OTC: variants seen among roughly 807,000 people sequenced by gnomAD.
OTC encodes the protein ornithine transcarbamylase, mitochondrial.
Under a neutral mutation model 30.3 loss-of-function variants are expected in OTC, and 3 were observed. The observed-to-expected ratio is 0.10, with a 90% CI of 0.05 to 0.26. The LOEUF (loss-of-function observed/expected upper bound fraction) is 0.26, where lower values mean the gene tolerates loss of function less well. OTC is among the 10% of genes least tolerant of loss of function. The probability of loss-of-function intolerance (pLI) is 1.00; values close to 1 mark genes in which losing one functional copy is unlikely to be tolerated. For synonymous variants in OTC, 111 were observed against 99.7 expected, an observed-to-expected ratio of 1.11 and a Z score of -0.67; for missense variants, 194 against 260.3, an observed-to-expected ratio of 0.75 and a Z score of 1.75.
At chrX:38,418,111 A>C (rs749185881) in intron 9 of OTC, among the ~76,000 whole-genome samples, 40 of 111,549 alleles carry the variant, frequency 3.6e-4, no homozygotes, top group African/African-American at 1.2e-3. Flanking sequence ...CCAACAATGC[A>C]CAGGAGATCC....
chrX:38,339,062 G>A, the OTC span, among the ~76,000 whole-genome samples: 13 of 111,871 alleles, frequency 1.2e-4, no homozygotes, highest in East Asian at 5.6e-4. Flanking sequence ...GGGTGGGTTC[G>A]GATGCCAGGC....
chrX:38,350,830 A>G (rs2068210762), upstream of OTC, among the ~76,000 whole-genome samples: 1 of 111,142 alleles, frequency 9.0e-6, no homozygotes, highest in African/African-American at 3.3e-5. Flanking sequence ...AGCATTACCA[A>G]TATGAGTTGT....
intron 2 of OTC, 121 bp from the exon 3 acceptor site, chrX:38,369,675 A>G: frequency 2.8e-6 from 1 of 359,975 alleles, no homozygotes; most frequent in South Asian, 6.2e-5. Context: ...TCACTTTTTA[A>G]ACAATATTTT....
the OTC span, among the ~76,000 whole-genome samples, chrX:38,332,735 A>T: frequency 9.2e-6 from 1 of 108,501 alleles, no homozygotes; most frequent in African/African-American, 3.4e-5. Context: ...CAGTGGCTTA[A>T]CACAAAGAAG....
At chrX:38,417,618 A>G (rs2068576233) in intron 9 of OTC, among the ~76,000 whole-genome samples, 1 of 111,923 alleles carries the variant, frequency 8.9e-6, no homozygotes, top group Non-Finnish European at 1.9e-5. Context: ...TACAGCACTC[A>G]GCACCGGGCC....
intron 9 of OTC, among the ~76,000 whole-genome samples, chrX:38,419,831 GTAGAATGA>G (rs1218248129): frequency 9.0e-6 from 1 of 111,290 alleles, no homozygotes; most frequent in Non-Finnish European, 1.9e-5. Flanking sequence ...GAAGTAGAGA[GTAGAATGA>G]TGATTACCAG....
At chrX:38,340,644 CAAAT>C in the OTC span, among the ~76,000 whole-genome samples, 250 of 109,741 alleles carry the variant, frequency 2.3e-3, 1 homozygote, top group African/African-American at 7.8e-3. Context: ...CATTATGAAA[CAAAT>C]AAGAAGAATC....
intron 1 of OTC, among the ~76,000 whole-genome samples, chrX:38,366,010 A>G (rs993142795): frequency 6.3e-5 from 7 of 111,725 alleles, no homozygotes; most frequent in South Asian, 3.7e-4. Context: ...CCTAATGATA[A>G]GCGGGGGTTC....
chrX:38,333,215 CAAA>C, the OTC span, among the ~76,000 whole-genome samples: 3 of 47,152 alleles, frequency 6.4e-5, no homozygotes, highest in Admixed American at 2.8e-4. Flanking sequence ...AACTCTGTCT[CAAA>C]AAAAAAAAAA....
chrX:38,364,895 A>C (rs912291783), intron 1 of OTC, among the ~76,000 whole-genome samples: 4 of 112,273 alleles, frequency 3.6e-5, no homozygotes, highest in Admixed American at 9.5e-5. Context: ...TGAAGGGCTC[A>C]GTCTCACAAA....
rs2068334730 is a variant in OTC, at chrX:38,374,110, G to A, written c.298+4233G>A. Reference sequence around the variant, plus strand: ...ACCCGGGAGGCGGAGCTTGCAGTGAGCCGAGAACGCGCCACTGCTTCCAGC... The same window carrying A: ...ACCCGGGAGGCGGAGCTTGCAGTGAACCGAGAACGCGCCACTGCTTCCAGC... On this transcript the variant is annotated intron_variant, in intron 3 of 9. Transcript: ENST00000039007. 1.8e-5 allele frequency among the ~76,000 whole-genome samples: 2 copies of A among 111,599 alleles called. 1 individual carries two copies. Among genetic ancestry groups the A allele is most frequent in the Admixed American group, 1.9e-4 (2 of 10,494 alleles).
chrX:38,362,118 T>C (rs1219083731), intron 1 of OTC, among the ~76,000 whole-genome samples: 3 of 112,039 alleles, frequency 2.7e-5, no homozygotes, highest in South Asian at 3.7e-4. Flanking sequence ...ACAATACTGG[T>C]TGTCAGAAGT....
At chrX:38,371,333 C>T (rs190171805) in intron 3 of OTC, among the ~76,000 whole-genome samples, 2 of 111,164 alleles carry the variant, frequency 1.8e-5, no homozygotes, top group African/African-American at 3.3e-5. Context: ...CTTTGAAACT[C>T]GTAAGCCACA....
upstream of OTC, among the ~76,000 whole-genome samples, chrX:38,349,260 G>A (rs1174525481): frequency 1.8e-5 from 2 of 112,093 alleles, no homozygotes; most frequent in Admixed American, 9.4e-5. Context: ...ATTACTGTGG[G>A]CAATTGAGGT....
the OTC span, among the ~76,000 whole-genome samples, chrX:38,344,510 A>C: frequency 9.0e-6 from 1 of 111,155 alleles, no homozygotes; most frequent in African/African-American, 3.3e-5. Flanking sequence ...GAGGACTCTT[A>C]AGAAAAGAGA....
intron 4 of OTC, among the ~76,000 whole-genome samples, chrX:38,384,570 G>T (rs778319620): frequency 4.5e-5 from 5 of 112,008 alleles, no homozygotes; most frequent in African/African-American, 1.6e-4. Context: ...CTCAGCAATC[G>T]CTTCCTTTGC....
chrX:38,407,046 T>C (rs764382898), intron 6 of OTC, among the ~76,000 whole-genome samples: 2 of 112,751 alleles, frequency 1.8e-5, no homozygotes, highest in South Asian at 3.7e-4. Context: ...CTTATTAGCA[T>C]GTGCCCTTGA....
At chrX:38,355,476 TTC>T (rs1390361811) in intron 1 of OTC, among the ~76,000 whole-genome samples, 1 of 112,615 alleles carries the variant, frequency 8.9e-6, no homozygotes, top group Non-Finnish European at 1.9e-5. Context: ...TAGAAATTTC[TTC>T]AGAGAATATT....
intron 1 of OTC, among the ~76,000 whole-genome samples, chrX:38,365,607 T>C (rs2068291774): frequency 8.9e-6 from 1 of 112,570 alleles, no homozygotes; most frequent in African/African-American, 3.2e-5. Flanking sequence ...TTCTATTGTG[T>C]ATCATGTGCC....
Sources: gnomAD v4.1 joint callset for allele counts (sites outside exome capture counted in the v4.1 genomes callset) on GRCh38, gnomAD v4.1.1 for gene constraint, MANE v1.5 for transcripts, NCBI Gene and HGNC (gene_info 2026-07-23, HGNC 2026-07-21) for gene names.